MDM1: variants seen among roughly 807,000 people sequenced by gnomAD.
MDM1 encodes the protein stabilizer of axonemal microtubules 6.
MDM1 carries 61 observed loss-of-function variants against 89.1 expected under a neutral mutation model. That is an observed-to-expected ratio of 0.68 (90% CI 0.56 to 0.85). The LOEUF is 0.85. Ranked by LOEUF, MDM1 falls within the 40% of genes least tolerant of loss-of-function variation. The pLI, the probability that MDM1 is intolerant of heterozygous loss-of-function variation, is 0.00. For missense variants in MDM1, 820 were observed against 846.5 expected (o/e 0.97, Z 0.39); for synonymous variants, 290 against 294.1 (o/e 0.99, Z 0.14).
chr12:68,304,320 T>C (rs985514555), intron 12 of MDM1, among the ~76,000 whole-genome samples: 1 of 152,190 alleles, frequency 6.6e-6, no homozygotes, highest in Non-Finnish European at 1.5e-5. Flanking sequence ...AGTTCCAAAC[T>C]TTCCTGATTA....
Position 68,331,244 on chromosome 12 carries a change from G to C in MDM1, c.19-23C>G, listed in dbSNP as rs374751221. On this transcript the variant is annotated intron_variant, in intron 1 of 14. Coordinates refer to ENST00000682720, the MANE Select transcript of MDM1 (RefSeq NM_001354969.2). Reference sequence around the variant, plus strand: ...CCCCTGTAATGCAAAGTACACTTTTGAGTACAGTCCAATTAATGAATGATG... The same window carrying C: ...CCCCTGTAATGCAAAGTACACTTTTCAGTACAGTCCAATTAATGAATGATG... The C allele has an allele frequency of 3.2e-6, 4 of 1,236,886 alleles. No individual in the cohort carries two copies. The African/African-American group carries it at 5.9e-5, about 18-fold the overall frequency. The allele number at this position is 1,236,886 out of a possible 1,614,324, so 76.6% of individuals were successfully genotyped here. A position where few individuals can be genotyped will look rare whatever the true frequency, so the allele number is the denominator to read the frequency against.
Position 68,296,976 on chromosome 12 carries a change from T to C in MDM1, c.2009A>G (p.Lys670Arg), listed in dbSNP as rs1871484702. The C allele has an allele frequency of 1.3e-6, 2 of 1,594,258 alleles. No individual in the cohort carries two copies. Among genetic ancestry groups the C allele is most frequent in the Middle Eastern group, 1.7e-4 (1 of 5,982 alleles). ...TAACTGCAAATTGTTCATCCTTGCTTTTCCCACTTAAAAAAAAAAAGGCAG... is the reference window on the plus strand; with the variant it reads ...TAACTGCAAATTGTTCATCCTTGCTCTTCCCACTTAAAAAAAAAAAGGCAG... ...RDPEFQHNVGKARMNNLQLPQ... is the reference protein window; with the variant it reads ...RDPEFQHNVGRARMNNLQLPQ... Residue 670 changes from lysine (K) to arginine (R), a missense_variant, in exon 14 of 15, where the codon AAA becomes AGA. By Grantham distance (26) the Lys-to-Arg change is conservative. Coordinates refer to ENST00000682720, the MANE Select transcript of MDM1 (RefSeq NM_001354969.2).
intron 1 of MDM1, 34 bp downstream of exon 1, chr12:68,332,194 C>G (rs1321879034): frequency 3.3e-6 from 5 of 1,534,398 alleles, no homozygotes; most frequent in Non-Finnish European, 4.4e-6. Flanking sequence ...TGGCTCCCCC[C>G]AGCCACATTC....
chr12:68,317,081 G>T (rs1874598680), intron 7 of MDM1, among the ~76,000 whole-genome samples: 1 of 151,178 alleles, frequency 6.6e-6, no homozygotes, highest in Admixed American at 6.6e-5. Flanking sequence ...TAAAATAATA[G>T]CCCATAAAAT....
chr12:68,309,255 T>A (rs935082190), intron 12 of MDM1, among the ~76,000 whole-genome samples: 1 of 152,194 alleles, frequency 6.6e-6, no homozygotes, highest in African/African-American at 2.4e-5. Flanking sequence ...CTCCACAAGA[T>A]CTTGGCATAT....
chr12:68,326,229 C>T (rs1875952865), intron 3 of MDM1: 7 of 1,121,016 alleles, frequency 6.2e-6, no homozygotes, highest in Non-Finnish European at 7.7e-6. Flanking sequence ...CAGAGCTCTC[C>T]TTCCTTTTGC....
intron 13 of MDM1, among the ~76,000 whole-genome samples, chr12:68,299,837 T>A (rs1446771699): frequency 6.6e-6 from 1 of 152,136 alleles, no homozygotes; most frequent in Non-Finnish European, 1.5e-5. Flanking sequence ...CTCAATGAAC[T>A]CTTAGGAACT....
intron 2 of MDM1, among the ~76,000 whole-genome samples, chr12:68,328,616 A>G (rs1459488453): frequency 6.6e-6 from 1 of 152,212 alleles, no homozygotes; most frequent in African/African-American, 2.4e-5. Flanking sequence ...ATGTTTTTCT[A>G]AATTTTTCTA....
intron 3 of MDM1, chr12:68,325,966 T>G: frequency 1.0e-6 from 1 of 995,962 alleles, no homozygotes; most frequent in Non-Finnish European, 1.2e-6. Flanking sequence ...TCACCTTCCT[T>G]GTTCCCTTTC....
At position 68,332,248 on chromosome 12, in the gene MDM1, C is replaced by A; in HGVS notation, c.-3G>T. 1.3e-6 allele frequency: 2 copies of A among 1,582,496 alleles called. No homozygotes were observed. Among genetic ancestry groups the A allele is most frequent in the South Asian group, 2.3e-5 (2 of 86,818 alleles). ...CTCACCTTGAAGCGCACCGGCATGTCGCCCGGCGCCGGAGCCCCCGCTACT... is the reference window on the plus strand; with the variant it reads ...CTCACCTTGAAGCGCACCGGCATGTAGCCCGGCGCCGGAGCCCCCGCTACT... On this transcript the variant is annotated 5_prime_UTR_variant, in exon 1 of 15. Transcript: ENST00000682720.
intron 2 of MDM1, chr12:68,327,423 C>A (rs1237067940): frequency 2.0e-6 from 3 of 1,535,694 alleles, no homozygotes; most frequent in African/African-American, 2.7e-5. Context: ...GAACTTTTCA[C>A]AAAGCTTCTC....
intron 3 of MDM1, chr12:68,325,799 C>A: frequency 2.6e-6 from 3 of 1,160,292 alleles, no homozygotes; most frequent in Non-Finnish European, 3.2e-6. Flanking sequence ...TCCTTTCTAT[C>A]AAAGGACTAT....
intron 14 of MDM1, among the ~76,000 whole-genome samples, chr12:68,296,584 A>C (rs1217163491): frequency 6.6e-6 from 1 of 152,224 alleles, no homozygotes; most frequent in East Asian, 1.9e-4. Flanking sequence ...ATTGACAAAA[A>C]TATATAGGCA....
intron 12 of MDM1, among the ~76,000 whole-genome samples, chr12:68,311,979 T>G (rs770389193): frequency 2.0e-5 from 3 of 152,124 alleles, no homozygotes; most frequent in Non-Finnish European, 2.9e-5. Flanking sequence ...CCCTCCTCCT[T>G]GACACCTCCA....
chr12:68,301,297 A>G (rs944347580), intron 13 of MDM1, among the ~76,000 whole-genome samples: 3 of 152,218 alleles, frequency 2.0e-5, no homozygotes, highest in African/African-American at 7.2e-5. Flanking sequence ...GAATGAAATA[A>G]TGTCTTTTGC....
chr12:68,327,313 G>GT lies in MDM1; in HGVS notation c.134-293dup, dbSNP rs1876149417. 4.1e-6 allele frequency: 6 copies of GT among 1,454,232 alleles called. No individual in the cohort carries two copies. In the Admixed American group the frequency reaches 1.2e-4, roughly 30 times the overall value. The allele number at this position is 1,454,232 out of a possible 1,614,324, so 90.1% of individuals were successfully genotyped here. A position where few individuals can be genotyped will look rare whatever the true frequency, so the allele number is the denominator to read the frequency against. ...TAACAAAAGTCACTAGAATTGCAAC[G>GT]TGATAGACCTGGCAGGCCAGGCAGT... is the stretch of plus-strand genomic sequence containing the variant. On this transcript the variant is annotated intron_variant, in intron 2 of 14. Transcript: ENST00000682720.
chr12:68,299,122 T>C lies in MDM1; in HGVS notation c.2003-2140A>G, dbSNP rs560818637. Among the ~76,000 whole-genome samples the C allele has an allele frequency of 2.0e-5, 3 of 151,208 alleles. 1 individual carries two copies. Among genetic ancestry groups the C allele is most frequent in the African/African-American group, 4.9e-5 (2 of 41,214 alleles). ...TCACATTCTTAAGAGGGGAAAAAAATTTTAAAAAAAACACACATAGTCAAA... is the reference window on the plus strand; with the variant it reads ...TCACATTCTTAAGAGGGGAAAAAAACTTTAAAAAAAACACACATAGTCAAA... On this transcript the variant is annotated intron_variant, in intron 13 of 14. Transcript: ENST00000682720.
At chr12:68,315,703 C>T (rs1447213960) in intron 9 of MDM1, among the ~76,000 whole-genome samples, 1 of 152,200 alleles carries the variant, frequency 6.6e-6, no homozygotes, top group African/African-American at 2.4e-5. Flanking sequence ...GAATTAGCCA[C>T]AAAATCTATT....
In MDM1 at chr12:68,332,326, C is replaced by A; in HGVS notation, c.-81G>T. ...GAGGGGGCGGGGCGATAACAGTGTTCCCTAGCAAAGCCTCGGCCCGGCGTC... is the reference window on the plus strand; with the variant it reads ...GAGGGGGCGGGGCGATAACAGTGTTACCTAGCAAAGCCTCGGCCCGGCGTC... On this transcript the variant is annotated 5_prime_UTR_variant, in exon 1 of 15. Coordinates refer to ENST00000682720, the MANE Select transcript of MDM1 (RefSeq NM_001354969.2). 6.8e-7 allele frequency: 1 copy of A among 1,462,496 alleles called. No homozygotes were observed. The highest frequency in any genetic ancestry group is 1.4e-5 in the South Asian group (1 of 74,024). 90.6% of individuals were successfully genotyped at this position (1,462,496 alleles called of 1,614,324 possible).
Sources: gnomAD v4.1 joint callset for allele counts (sites outside exome capture counted in the v4.1 genomes callset) on GRCh38, gnomAD v4.1.1 for gene constraint, MANE v1.5 for transcripts, NCBI Gene and HGNC (gene_info 2026-07-23, HGNC 2026-07-21) for gene names.